PCDHGB4: variants seen among roughly 807,000 people sequenced by gnomAD.
The protein encoded by PCDHGB4 is protocadherin gamma subfamily B, 4, also known as protocadherin gamma-B4.
In PCDHGB4, 38 loss-of-function variants were observed where a neutral mutation model predicts 60.5. That is an observed-to-expected ratio of 0.63 (90% CI 0.48 to 0.82). The LOEUF (loss-of-function observed/expected upper bound fraction) is 0.82. PCDHGB4 is among the 40% of genes least tolerant of loss of function. The pLI is 0.00. For missense variants in PCDHGB4, 1,109 were observed against 1,209.6 expected (o/e 0.92, Z 1.23); for synonymous variants, 456 against 509.7 (o/e 0.89, Z 1.42).
intron 2 of PCDHGB4, among the ~76,000 whole-genome samples, chr5:141,502,296 G>A (rs758304596): frequency 7.9e-5 from 12 of 151,130 alleles, no homozygotes; most frequent in Non-Finnish European, 1.2e-4. Context: ...TGGTTGTCAC[G>A]TCTTTCCTCT....
chr5:141,415,761 T>G (rs1047830043), intron 1 of PCDHGB4: 49 of 1,399,492 alleles, frequency 3.5e-5, no homozygotes, highest in Admixed American at 1.6e-4. Context: ...TTTTTTTTTT[T>G]TTTTTTTTTT....
rs1163950013 is a variant in PCDHGB4 at position 141,512,955 on chromosome 5, A to G, written c.*1782A>G. 2 of 152,234 alleles carry G rather than the reference A, an allele frequency of 1.3e-5. No homozygotes were observed. The highest frequency in any genetic ancestry group is 2.9e-5 in the Non-Finnish European group (2 of 68,046). The allele number at this position is 152,234 out of a possible 1,614,324, so 9.4% of individuals were successfully genotyped here. ...GCTTTTTTTCTTCGACAAAAAAATA[A>G]TAAAACGTTTCTTCTGAAAAGCTGA... On this transcript the variant is annotated 3_prime_UTR_variant, in exon 4 of 4. Coordinates refer to ENST00000519479, the MANE Select transcript of PCDHGB4 (RefSeq NM_003736.4).
intron 1 of PCDHGB4, among the ~76,000 whole-genome samples, chr5:141,402,570 C>G (rs947118867): frequency 1.3e-5 from 2 of 152,138 alleles, no homozygotes; most frequent in Admixed American, 1.3e-4. Flanking sequence ...TTATTTACAA[C>G]TCAGATATCT....
intron 1 of PCDHGB4, chr5:141,398,251 C>G (rs753114593): frequency 6.8e-7 from 1 of 1,464,006 alleles, no homozygotes; most frequent in East Asian, 2.5e-5. Flanking sequence ...CGAGGAAATG[C>G]CCAAGGGCTC....
At chr5:141,414,233 T>A in intron 1 of PCDHGB4, 1 of 1,613,474 alleles carries the variant, frequency 6.2e-7, no homozygotes, top group Non-Finnish European at 8.5e-7. Flanking sequence ...GAGCTGACCA[T>A]CACGTCTCTA....
chr5:141,400,345 A>C lies in PCDHGB4; in HGVS notation c.2397+10064A>C, dbSNP rs757500171. On this transcript the variant is annotated intron_variant, in intron 1 of 3. Transcript: ENST00000519479. ...TGGACCTGTGGTTCCCCCCAACTACAGTCAGGGGACTTTGCCTTATTCCTA... is the reference window on the plus strand; with the variant it reads ...TGGACCTGTGGTTCCCCCCAACTACCGTCAGGGGACTTTGCCTTATTCCTA... 1.9e-6 allele frequency: 3 copies of C among 1,614,040 alleles called. No homozygotes were observed. In the South Asian group the frequency reaches 3.3e-5, roughly 18 times the overall value.
chr5:141,390,176 C>T lies in PCDHGB4; in HGVS notation c.2292C>T (p.Phe764=), dbSNP rs763410454. The T allele has an allele frequency of 5.6e-6, 9 of 1,614,000 alleles. No individual in the cohort carries two copies. In the East Asian group the frequency reaches 1.1e-4, roughly 20 times the overall value. ...VAHTGKTEFN[F]LKCSEQLSSG... is the part of the protein sequence containing the mutation. ...ATACAGGAAAGACGGAGTTTAATTT[C>T]CTAAAATGTAGTGAGCAGTTGAGTT... Residue 764 remains phenylalanine (F), a synonymous_variant, in exon 1 of 4, where the codon TTC becomes TTT. Transcript: ENST00000519479.
At chr5:141,463,808 T>C (rs1018369312) in intron 1 of PCDHGB4, among the ~76,000 whole-genome samples, 2 of 152,196 alleles carry the variant, frequency 1.3e-5, no homozygotes, top group African/African-American at 4.8e-5. Flanking sequence ...CTAAAAGCTT[T>C]TATCACACAT....
intron 1 of PCDHGB4, among the ~76,000 whole-genome samples, chr5:141,494,030 A>G (rs1165393646): frequency 6.6e-6 from 1 of 151,978 alleles, no homozygotes; most frequent in Non-Finnish European, 1.5e-5. Context: ...AGCCCTGGAG[A>G]CTTAGTTGGC....
At chr5:141,430,811 A>G (rs1193066300) in intron 1 of PCDHGB4, 1 of 1,527,400 alleles carries the variant, frequency 6.5e-7, no homozygotes. Flanking sequence ...CCTGCTGGGA[A>G]TCCTCCTGGG....
intron 1 of PCDHGB4, among the ~76,000 whole-genome samples, chr5:141,397,036 T>G (rs2093467467): frequency 2.0e-5 from 3 of 152,222 alleles, no homozygotes. Context: ...TGTCCACAAA[T>G]TTATGTAAAT....
At chr5:141,455,360 A>C (rs2098820130) in intron 1 of PCDHGB4, among the ~76,000 whole-genome samples, 1 of 152,112 alleles carries the variant, frequency 6.6e-6, no homozygotes, top group Non-Finnish European at 1.5e-5. Context: ...TTAATAGGCA[A>C]GAAGGAAGGG....
At chr5:141,458,413 G>A (rs138479316) in intron 1 of PCDHGB4, among the ~76,000 whole-genome samples, 1 of 152,196 alleles carries the variant, frequency 6.6e-6, no homozygotes, top group East Asian at 1.9e-4. Context: ...CGGAGCGGGG[G>A]TTCCAAAGCT....
intron 1 of PCDHGB4, among the ~76,000 whole-genome samples, chr5:141,429,535 T>TG (rs1278730394): frequency 2.0e-5 from 3 of 152,168 alleles, no homozygotes; most frequent in Non-Finnish European, 4.4e-5. Flanking sequence ...CTTAAAAAAA[T>TG]AAGAACATGG....
In PCDHGB4 at chr5:141,476,101, A is replaced by G; in HGVS notation, c.2398-18706A>G. The G allele has an allele frequency of 6.3e-7, 1 of 1,576,386 alleles. No individual in the cohort carries two copies. Among genetic ancestry groups the G allele is most frequent in the East Asian group, 2.2e-5 (1 of 44,540 alleles). On this transcript the variant is annotated intron_variant, in intron 1 of 3. Coordinates refer to ENST00000519479, the MANE Select transcript of PCDHGB4 (RefSeq NM_003736.4). This position sits in a 1 kb window ranked among gnomAD's most constrained non-coding sequence, Gnocchi z 7.6. ...GACGATCTGGACCCCGCTGAGAGGA[A>G]CTGCTTTTGAGTGAGATGGTCCCAG... is the stretch of plus-strand genomic sequence containing the variant.
At position 141,431,398 on chromosome 5, in the gene PCDHGB4, G is replaced by A. The variant is rs1052461071; in HGVS notation, c.2397+41117G>A. ...AGGCTGCTCACCACCTGGTCCTTACGGCCTCCGACGGGGGCGACCCGGTGC... is the reference window on the plus strand; with the variant it reads ...AGGCTGCTCACCACCTGGTCCTTACAGCCTCCGACGGGGGCGACCCGGTGC... On this transcript the variant is annotated intron_variant, in intron 1 of 3. Coordinates refer to ENST00000519479, the MANE Select transcript of PCDHGB4 (RefSeq NM_003736.4). This position sits in a 1 kb window ranked among gnomAD's most constrained non-coding sequence, Gnocchi z 4.8. The A allele has an allele frequency of 6.8e-6, 11 of 1,613,768 alleles. No homozygotes were observed. Among genetic ancestry groups the A allele is most frequent in the Non-Finnish European group, 9.3e-6 (11 of 1,180,036 alleles).
At chr5:141,413,708 C>G in intron 1 of PCDHGB4, 1 of 1,613,664 alleles carries the variant, frequency 6.2e-7, no homozygotes, top group African/African-American at 1.3e-5. Flanking sequence ...CAGCTCAGCC[C>G]CAATAAGCAC....
intron 1 of PCDHGB4, chr5:141,408,762 A>G (rs369793035): frequency 1.9e-5 from 30 of 1,610,942 alleles, no homozygotes; most frequent in Non-Finnish European, 2.3e-5. Flanking sequence ...GTTAATTCCG[A>G]TGGTGGCAAA....
chr5:141,459,993 G>T (rs1320315247), intron 1 of PCDHGB4, among the ~76,000 whole-genome samples: 1 of 152,164 alleles, frequency 6.6e-6, no homozygotes, highest in African/African-American at 2.4e-5. Context: ...CAGGAGAATC[G>T]CTTGAACCCA....
Sources: gnomAD v4.1 joint callset for allele counts (sites outside exome capture counted in the v4.1 genomes callset) on GRCh38, gnomAD v4.1.1 for gene constraint, Gnocchi (gnomAD v3.1) non-coding constraint, MANE v1.5 for transcripts, NCBI Gene and HGNC (gene_info 2026-07-23, HGNC 2026-07-21) for gene names.